SLC23A2: variants seen among roughly 807,000 people sequenced by gnomAD.
SLC23A2 encodes Na(+)/L-ascorbic acid transporter 2.
A neutral mutation model predicts 73.3 loss-of-function variants in SLC23A2; 36 were observed. The observed-to-expected ratio is 0.49, with a 90% CI of 0.38 to 0.65. SLC23A2 has a LOEUF of 0.65. Among genes scored for constraint, SLC23A2 ranks in the 30% least tolerant of loss-of-function variants. The probability of loss-of-function intolerance (pLI) is 0.00; values close to 1 mark genes in which losing one functional copy is unlikely to be tolerated. For missense variants in SLC23A2, 507 were observed against 841.6 expected (o/e 0.60, Z 4.92); for synonymous variants, 343 against 327.3 (o/e 1.05, Z -0.52).
chr20:4,999,177 G>A lies in SLC23A2; in HGVS notation c.-282+2229C>T, dbSNP rs569635983. Among the ~76,000 whole-genome samples, 339 of 152,216 alleles carry A rather than the reference G, an allele frequency of 2.2e-3. 2 individuals are homozygous for A. The highest frequency in any genetic ancestry group is 7.6e-3 in the African/African-American group (317 of 41,544). ...AAGCTACCAGTGGTACCAGAATATA[G>A]GTCCCCAAATAGATCCCTGGTTTGT... On this transcript the variant is annotated intron_variant, in intron 1 of 16. Coordinates refer to ENST00000338244, the MANE Select transcript of SLC23A2 (RefSeq NM_005116.6).
At chr20:4,984,075 C>T (rs549983943) in intron 1 of SLC23A2, among the ~76,000 whole-genome samples, 3 of 152,098 alleles carry the variant, frequency 2.0e-5, no homozygotes, top group South Asian at 2.1e-4. Flanking sequence ...AGGACTCTTA[C>T]GACTCAACAA....
Position 4,863,891 on chromosome 20 carries a change from G to C in SLC23A2, c.1357-984C>G, listed in dbSNP as rs1016061440. 6.6e-6 allele frequency among the ~76,000 whole-genome samples: 1 copy of C among 152,180 alleles called. No homozygotes were observed. The highest frequency in any genetic ancestry group is 1.5e-5 in the Non-Finnish European group (1 of 68,046). On this transcript the variant is annotated intron_variant, in intron 13 of 16. Transcript: ENST00000338244. This position sits in a 1 kb window ranked among gnomAD's most constrained non-coding sequence, Gnocchi z 4.8. Reference sequence around the variant, plus strand: ...ATAGGCTCTCATAGCACCATGTAGGGCATATCTGCTACTCCTGATCTCTGC... The same window carrying C: ...ATAGGCTCTCATAGCACCATGTAGGCCATATCTGCTACTCCTGATCTCTGC...
chr20:4,999,167 C>G (rs1401459935), intron 1 of SLC23A2, among the ~76,000 whole-genome samples: 1 of 152,130 alleles, frequency 6.6e-6, no homozygotes, highest in African/African-American at 2.4e-5. Context: ...ACCAGTGGTA[C>G]CAGAATATAG....
Position 4,998,360 on chromosome 20 carries a change from A to G in SLC23A2, c.-282+3046T>C, listed in dbSNP as rs929060234. On this transcript the variant is annotated intron_variant, in intron 1 of 16. Coordinates refer to ENST00000338244, the MANE Select transcript of SLC23A2 (RefSeq NM_005116.6). The surrounding 1 kb of genome is among the most constrained non-coding windows in gnomAD (Gnocchi z 4.1). ...AATAAATGTATGAAAGGCCTATGAA[A>G]GGTGCAAGCTGAAAGCAGACCTCAA... Among the ~76,000 whole-genome samples the G allele has an allele frequency of 1.3e-5, 2 of 152,234 alleles. No homozygotes were observed. The highest frequency in any genetic ancestry group is 2.9e-5 in the Non-Finnish European group (2 of 68,040).
chr20:4,984,140 A>G lies in SLC23A2; in HGVS notation c.-281-13221T>C, dbSNP rs58506959. Among the ~76,000 whole-genome samples the G allele has an allele frequency of 8.8e-4, 134 of 152,272 alleles. 1 individual carries two copies. The highest frequency in any genetic ancestry group is 3.2e-3 in the African/African-American group (132 of 41,566). On this transcript the variant is annotated intron_variant, in intron 1 of 16. Coordinates refer to ENST00000338244, the MANE Select transcript of SLC23A2 (RefSeq NM_005116.6). Reference sequence around the variant, plus strand: ...CAAAGAAAGCTGGATGACCCAGCACATGCCTCTAGTCCAGCTACTCAGGAG... The same window carrying G: ...CAAAGAAAGCTGGATGACCCAGCACGTGCCTCTAGTCCAGCTACTCAGGAG...
intron 2 of SLC23A2, among the ~76,000 whole-genome samples, chr20:4,966,155 G>A (rs2087471523): frequency 6.6e-6 from 1 of 152,092 alleles, no homozygotes; most frequent in Admixed American, 6.6e-5. Context: ...GGGGTAGGGG[G>A]CAGCAGGGGA....
At chr20:4,923,130 G>A (rs1932553333) in intron 3 of SLC23A2, among the ~76,000 whole-genome samples, 1 of 151,908 alleles carries the variant, frequency 6.6e-6, no homozygotes, top group Non-Finnish European at 1.5e-5. Context: ...TCTAGGACTG[G>A]GTGTGGTGGC....
intron 16 of SLC23A2, among the ~76,000 whole-genome samples, chr20:4,858,525 G>T (rs1203258712): frequency 3.4e-5 from 5 of 147,148 alleles, no homozygotes; most frequent in African/African-American, 1.3e-4. Flanking sequence ...TCTCTTGATT[G>T]AGGTTTTTTA....
chr20:4,999,240 G>C (rs4815759), intron 1 of SLC23A2, among the ~76,000 whole-genome samples: 1 of 151,942 alleles, frequency 6.6e-6, no homozygotes, highest in African/African-American at 2.4e-5. Flanking sequence ...TAGCCAATTC[G>C]GGATTTCAAA....
intron 1 of SLC23A2, among the ~76,000 whole-genome samples, chr20:4,973,086 TATG>T (rs1157382994): frequency 1.3e-5 from 2 of 152,376 alleles, no homozygotes; most frequent in East Asian, 3.8e-4. Context: ...TATGTGTGGT[TATG>T]ATTTCACTTT....
chr20:4,964,275 G>A (rs144308621), intron 2 of SLC23A2, among the ~76,000 whole-genome samples: 4 of 152,224 alleles, frequency 2.6e-5, no homozygotes, highest in African/African-American at 7.2e-5. Flanking sequence ...GATTATAGGC[G>A]TGAACCACTG....
chr20:4,899,775 A>C lies in SLC23A2; in HGVS notation c.325-63T>G. On this transcript the variant is annotated intron_variant, in intron 5 of 16. Coordinates refer to ENST00000338244, the MANE Select transcript of SLC23A2 (RefSeq NM_005116.6). The surrounding 1 kb of genome is among the most constrained non-coding windows in gnomAD (Gnocchi z 4.9). ...CCCTTCCTCATTTATTCTTGATTTCATCCTAATTCTTCTCTCTTATTGTCG... is the reference window on the plus strand; with the variant it reads ...CCCTTCCTCATTTATTCTTGATTTCCTCCTAATTCTTCTCTCTTATTGTCG... 1.3e-6 allele frequency: 2 copies of C among 1,512,824 alleles called. No individual in the cohort carries two copies. The highest frequency in any genetic ancestry group is 1.2e-5 in the South Asian group (1 of 86,860). The allele number at this position is 1,512,824 out of a possible 1,614,324, so 93.7% of individuals were successfully genotyped here.
intron 2 of SLC23A2, among the ~76,000 whole-genome samples, chr20:4,959,127 G>A (rs990253290): frequency 2.0e-5 from 3 of 151,686 alleles, no homozygotes; most frequent in Non-Finnish European, 2.9e-5. Flanking sequence ...GCTGAGGCAG[G>A]AGAATCACTT....
intron 13 of SLC23A2, among the ~76,000 whole-genome samples, chr20:4,865,113 T>C (rs1930137916): frequency 6.6e-6 from 1 of 152,058 alleles, no homozygotes; most frequent in Non-Finnish European, 1.5e-5. Flanking sequence ...TCTCACAGGG[T>C]CCATTCCCTG....
At chr20:4,938,069 T>C (rs2086987788) in intron 2 of SLC23A2, among the ~76,000 whole-genome samples, 1 of 151,304 alleles carries the variant, frequency 6.6e-6, no homozygotes, top group Non-Finnish European at 1.5e-5. Flanking sequence ...CTCACTCTGT[T>C]GCCCAAGCTG....
chr20:4,857,331 CACACAT>C lies in SLC23A2; in HGVS notation c.1721-133_1721-128del, dbSNP rs1370827204. The C allele has an allele frequency of 2.4e-3, 1,234 of 521,036 alleles. 1 individual carries two copies. Among genetic ancestry groups the C allele is most frequent in the African/African-American group, 5.8e-3 (197 of 33,982 alleles). 32.3% of individuals were successfully genotyped at this position (521,036 alleles called of 1,614,324 possible). A position where few individuals can be genotyped will look rare whatever the true frequency, so the allele number is the denominator to read the frequency against. On this transcript the variant is annotated intron_variant, in intron 16 of 16. Coordinates refer to ENST00000338244, the MANE Select transcript of SLC23A2 (RefSeq NM_005116.6). The surrounding 1 kb of genome is among the most constrained non-coding windows in gnomAD (Gnocchi z 4.0). ...ACACACACACACACACACACACACACACACATGGTCCCACAGATCAAACCTGCCTAG... is the reference window on the plus strand; with the variant it reads ...ACACACACACACACACACACACACACGGTCCCACAGATCAAACCTGCCTAG...
intron 1 of SLC23A2, among the ~76,000 whole-genome samples, chr20:4,989,923 C>G (rs923301480): frequency 6.6e-6 from 1 of 152,116 alleles, no homozygotes; most frequent in South Asian, 2.1e-4. Flanking sequence ...ATTTTCCTCA[C>G]GGACACACCA....
chr20:4,891,117 G>C (rs983044886), intron 6 of SLC23A2, among the ~76,000 whole-genome samples: 2 of 148,128 alleles, frequency 1.4e-5, no homozygotes, highest in African/African-American at 2.5e-5. Context: ...GCTTTTGCCA[G>C]GGCAGTCACC....
chr20:4,935,271 A>T (rs1328107306), intron 2 of SLC23A2, among the ~76,000 whole-genome samples: 2 of 151,898 alleles, frequency 1.3e-5, no homozygotes, highest in Non-Finnish European at 2.9e-5. Context: ...CAGACTTCTT[A>T]TCATTAACAG....
Sources: allele counts gnomAD v4.1 joint callset (sites outside exome capture counted in the v4.1 genomes callset), GRCh38; gene constraint gnomAD v4.1.1; non-coding constraint Gnocchi (gnomAD v3.1); transcripts MANE v1.5; gene names NCBI Gene and HGNC (gene_info 2026-07-23, HGNC 2026-07-21).